Variants in ADCYAP1 observed in about 807,000 individuals in gnomAD.
ADCYAP1 encodes the protein pituitary adenylate cyclase-activating polypeptide.
In ADCYAP1, 6 loss-of-function variants were observed where a neutral mutation model predicts 18.5. That is an observed-to-expected ratio of 0.32 (90% CI 0.18 to 0.64). The LOEUF is 0.64. ADCYAP1 is among the 30% of genes least tolerant of loss of function. The probability of loss-of-function intolerance (pLI) is 0.77; values close to 1 mark genes in which losing one functional copy is unlikely to be tolerated. For missense variants in ADCYAP1, 314 were observed against 253.6 expected (o/e 1.24, Z -1.62); for synonymous variants, 136 against 113.9 (o/e 1.19, Z -1.24).
chr18:907,103 A>G (rs1356150761), intron 2 of ADCYAP1, among the ~76,000 whole-genome samples: 2 of 152,140 alleles, frequency 1.3e-5, no homozygotes, highest in African/African-American at 4.8e-5. Flanking sequence ...CCTGCCCAAA[A>G]TAGAAACCGA....
At chr18:905,732 T>C (rs1254879064) in intron 2 of ADCYAP1, 11 of 555,540 alleles carry the variant, frequency 2.0e-5, no homozygotes, top group Non-Finnish European at 3.2e-5. Context: ...GGGTCCCGGG[T>C]AGAGCCAGTG....
chr18:904,504 T>C (rs1399750912), upstream of ADCYAP1: 3 of 1,289,110 alleles, frequency 2.3e-6, no homozygotes, highest in Non-Finnish European at 3.0e-6. Context: ...ACTGCACAGA[T>C]AAATAGGAGC....
Position 909,615 on chromosome 18 carries a change from C to G in ADCYAP1, c.511C>G (p.Arg171Gly). 2 of 1,613,572 alleles carry G rather than the reference C, an allele frequency of 1.2e-6. No homozygotes were observed. Among genetic ancestry groups the G allele is most frequent in the Admixed American group, 1.7e-5 (1 of 59,982 alleles). ...TAAACAAAGGGTTAAAAACAAAGGA[C>G]GCCGAATAGCTTATTTGTAGCGATG... ...RYKQRVKNKGRRIAYL is the reference protein window; with the variant it reads ...RYKQRVKNKGGRIAYL The change falls in exon 5 of 5, where the codon CGC becomes GGC. Residue 171 changes from arginine (R) to glycine (G), a missense_variant. Physicochemically the swap from Arg to Gly is moderately radical, Grantham distance 125. Transcript: ENST00000450565.
chr18:908,325 C>A lies in ADCYAP1; in HGVS notation c.303C>A (p.Ala101=), dbSNP rs1178320842. 6.2e-7 allele frequency: 1 copy of A among 1,613,320 alleles called. No individual in the cohort carries two copies. Among genetic ancestry groups the A allele is most frequent in the African/African-American group, 1.3e-5 (1 of 75,012 alleles). ...AYRKVLDQLS[A]GKHLQSLVAR... ...GCAAAGTGCTGGACCAGCTGTCCGC[C>A]GGGAAGCACCTGCAGTCGCTCGTGG... is the stretch of plus-strand genomic sequence containing the variant. The change falls in exon 4 of 5, where the codon GCC becomes GCA. Residue 101 remains alanine, a synonymous_variant. Transcript: ENST00000450565.
upstream of ADCYAP1, chr18:904,603 C>G (rs1202201484): frequency 6.4e-6 from 8 of 1,259,302 alleles, no homozygotes; most frequent in African/African-American, 1.6e-5. Flanking sequence ...GCAGAGAAGG[C>G]GCCGCCGACC....
rs148570945 is a variant in ADCYAP1, at chr18:908,346, C to T, written c.324C>T (p.Leu108=). The T allele has an allele frequency of 4.8e-5, 78 of 1,613,058 alleles. No individual in the cohort carries two copies. In the African/African-American group the frequency reaches 8.1e-4, roughly 17 times the overall value. The change falls in exon 4 of 5, where the codon CTC becomes CTT. Residue 108 remains leucine (L), a synonymous_variant. Coordinates refer to ENST00000450565, the MANE Select transcript of ADCYAP1 (RefSeq NM_001099733.2). ...QLSAGKHLQS[L]VARGVGGSLG... Reference sequence around the variant, plus strand: ...CCGCCGGGAAGCACCTGCAGTCGCTCGTGGCCCGGGGCGTGGGGTAAGAGT... The same window carrying T: ...CCGCCGGGAAGCACCTGCAGTCGCTTGTGGCCCGGGGCGTGGGGTAAGAGT...
intron 3 of ADCYAP1, chr18:908,000 G>T (rs1909243184): frequency 1.0e-6 from 1 of 972,830 alleles, no homozygotes; most frequent in Non-Finnish European, 1.4e-6. Context: ...GGGGACCGAG[G>T]GGGGCTGTGG....
Position 909,697 on chromosome 18 carries a change from C to T in ADCYAP1, c.*62C>T. 2 of 1,494,500 alleles carry T rather than the reference C, an allele frequency of 1.3e-6. No individual in the cohort carries two copies. The highest frequency in any genetic ancestry group is 1.8e-6 in the Non-Finnish European group (2 of 1,089,332). The allele number at this position is 1,494,500 out of a possible 1,614,324, so 92.6% of individuals were successfully genotyped here. A position where few individuals can be genotyped will look rare whatever the true frequency, so the allele number is the denominator to read the frequency against. ...ACGCAATGAAAAGTCGTTTTCCAAACTGACTCAACAGTCATCGCTCGTGTG... is the reference window on the plus strand; with the variant it reads ...ACGCAATGAAAAGTCGTTTTCCAAATTGACTCAACAGTCATCGCTCGTGTG... On this transcript the variant is annotated 3_prime_UTR_variant, in exon 5 of 5. Transcript: ENST00000450565.
chr18:904,417 T>A, upstream of ADCYAP1: 1 of 1,276,750 alleles, frequency 7.8e-7, no homozygotes, highest in Non-Finnish European at 1.0e-6. Context: ...CAAAATATTC[T>A]GTACTTAAAG....
rs755035529 is a variant in ADCYAP1 at position 905,475 on chromosome 18, G to A, written c.89G>A (p.Gly30Glu). The change falls in exon 2 of 5, where the codon GGA becomes GAA. Residue 30 changes from glycine to glutamate, a missense_variant. Transcript: ENST00000450565. ...SSVYSSPAAA[G>E]LRFPGIRPEE... The stretch of plus-strand genomic sequence containing the variant: ...GTCTACAGCTCACCTGCCGCCGCCG[G>A]ACTCCGGTTCCCCGGGATCAGGTAG... 1.9e-6 allele frequency: 3 copies of A among 1,608,982 alleles called. No individual in the cohort carries two copies. The highest frequency in any genetic ancestry group is 2.5e-6 in the Non-Finnish European group (3 of 1,179,998).
At chr18:904,800 C>G (rs1398048492), upstream of ADCYAP1, 2 of 1,278,716 alleles carry the variant, frequency 1.6e-6, no homozygotes, top group East Asian at 5.6e-5. Flanking sequence ...TTTCTTCTGC[C>G]TCTCTCTCTG....
intron 3 of ADCYAP1, 30 bp downstream of exon 3, chr18:907,820 G>A: frequency 7.1e-7 from 1 of 1,418,068 alleles, no homozygotes; most frequent in Non-Finnish European, 9.1e-7. Context: ...GCGCACACCC[G>A]CGGCTGGGAG....
intron 2 of ADCYAP1, 193 bp from the exon 3 acceptor site, chr18:907,466 G>T (rs1249531238): frequency 1.9e-6 from 1 of 528,776 alleles, no homozygotes; most frequent in Non-Finnish European, 3.1e-6. Flanking sequence ...GCCGCCCGGC[G>T]GGGTAGGAGT....
intron 2 of ADCYAP1, 29 bp downstream of exon 2, chr18:905,525 G>C: frequency 1.2e-6 from 2 of 1,601,826 alleles, no homozygotes; most frequent in Non-Finnish European, 1.7e-6. Context: ...GCCCAAGCAG[G>C]AGCTGGGGCT....
Position 904,927 on chromosome 18 carries a change from CCTGCGGCTT to C in ADCYAP1, c.-130_-122del, listed in dbSNP as rs1567852890. Reference sequence around the variant, plus strand: ...GCTCCTCCTGCTGCTCCCGCTGGTTCCTGCGGCTTCTGCTCAGACACCAACGCCAGACGG... The same window carrying C: ...GCTCCTCCTGCTGCTCCCGCTGGTTCCTGCTCAGACACCAACGCCAGACGG... On this transcript the variant is annotated 5_prime_UTR_variant, in exon 1 of 5. Coordinates refer to ENST00000450565, the MANE Select transcript of ADCYAP1 (RefSeq NM_001099733.2). 1 of 1,290,176 alleles carries C rather than the reference CCTGCGGCTT, an allele frequency of 7.8e-7. No individual in the cohort carries two copies. Among genetic ancestry groups the C allele is most frequent in the Non-Finnish European group, 1.0e-6 (1 of 989,394 alleles). 79.9% of individuals were successfully genotyped at this position (1,290,176 alleles called of 1,614,324 possible). A position where few individuals can be genotyped will look rare whatever the true frequency, so the allele number is the denominator to read the frequency against.
At chr18:907,534 A>T in intron 2 of ADCYAP1, 125 bp from the exon 3 acceptor site, 1 of 1,030,064 alleles carries the variant, frequency 9.7e-7, no homozygotes. Flanking sequence ...CTGGGAGAAG[A>T]GACAATTCTC....
chr18:905,367 T>C lies in ADCYAP1; in HGVS notation c.-1-19T>C. ...GGGGCGTTCTCACAGCTGTGTGTCC[T>C]CTTTCCCATCCTGCGCAGAATGACC... On this transcript the variant is annotated intron_variant, in intron 1 of 4. Transcript: ENST00000450565. The C allele has an allele frequency of 6.2e-7, 1 of 1,612,064 alleles. No homozygotes were observed. Among genetic ancestry groups the C allele is most frequent in the Non-Finnish European group, 8.5e-7 (1 of 1,179,770 alleles).
In ADCYAP1 at chr18:909,477, G is replaced by A; in HGVS notation, c.373G>A (p.Ala125Thr). The A allele has an allele frequency of 6.2e-7, 1 of 1,612,764 alleles. No homozygotes were observed. The highest frequency in any genetic ancestry group is 1.1e-5 in the South Asian group (1 of 91,006). ...GSLGGGAGDD[A>T]EPLSKRHSDG... ...CCTCGGCGGCGGCGCGGGGGACGAC[G>A]CGGAGCCGCTCTCCAAGCGCCACTC... The change falls in exon 5 of 5, where the codon GCG becomes ACG. Residue 125 changes from alanine to threonine, a missense_variant. Physicochemically the swap from Ala to Thr is moderately conservative, Grantham distance 58 (BLOSUM62 0). Transcript: ENST00000450565.
chr18:908,162 C>A, intron 3 of ADCYAP1, 103 bp from the exon 4 acceptor site: 1 of 1,028,580 alleles, frequency 9.7e-7, no homozygotes, highest in Non-Finnish European at 1.4e-6. Flanking sequence ...TCCCTGTCAG[C>A]CTCCCCGGCC....
Sources: gnomAD v4.1 joint callset for allele counts (sites outside exome capture counted in the v4.1 genomes callset) on GRCh38, gnomAD v4.1.1 for gene constraint, MANE v1.5 for transcripts, NCBI Gene and HGNC (gene_info 2026-07-23, HGNC 2026-07-21) for gene names.